CAPRIN2: variants seen among roughly 807,000 people sequenced by gnomAD.
CAPRIN2 encodes the protein caprin family member 2, also known as caprin-2.
In CAPRIN2, 66 loss-of-function variants were observed where a neutral mutation model predicts 130.4. The ratio of observed to expected loss-of-function variants is 0.51; its 90% CI spans 0.42 to 0.62. The LOEUF is 0.62. Among genes scored for constraint, CAPRIN2 ranks in the 20% least tolerant of loss-of-function variants. The pLI, the probability that CAPRIN2 is intolerant of heterozygous loss-of-function variation, is 0.00. For missense variants in CAPRIN2, 1,185 were observed against 1,246.6 expected, an observed-to-expected ratio of 0.95 and a Z score of 0.74; for synonymous variants, 471 against 444.1, an observed-to-expected ratio of 1.06 and a Z score of -0.76.
chr12:30,725,734 A>C, intron 9 of CAPRIN2, among the ~76,000 whole-genome samples: 1 of 152,020 alleles, frequency 6.6e-6, no homozygotes, highest in East Asian at 2.0e-4. Flanking sequence ...CACATGCTTA[A>C]TTCATTTTTT....
In CAPRIN2 at chr12:30,710,267, T is replaced by G; in HGVS notation, c.2869A>C (p.Asn957His). The G allele has an allele frequency of 6.2e-7, 1 of 1,614,146 alleles. No individual in the cohort carries two copies. The highest frequency in any genetic ancestry group is 8.5e-7 in the Non-Finnish European group (1 of 1,180,032). ...TGGTCTAAAGTTCCAGGGGCCAGAT[T>G]AGAGGTTCTGGCTGCTGAGAAGGCA... The change falls in exon 17 of 17, where the codon AAT (asparagine) becomes CAT (histidine). Residue 957 changes from asparagine (N) to histidine (H), a missense_variant. Coordinates refer to ENST00000298892, the Ensembl canonical transcript of CAPRIN2. This position sits in a 1 kb window ranked among gnomAD's most constrained non-coding sequence, Gnocchi z 4.8.
chr12:30,738,623 C>A (rs2065938182), intron 3 of CAPRIN2, among the ~76,000 whole-genome samples: 1 of 152,046 alleles, frequency 6.6e-6, no homozygotes, highest in South Asian at 2.1e-4. Flanking sequence ...AACAGACAAC[C>A]TACAGAATGG....
chr12:30,713,974 A>T, intron 14 of CAPRIN2, 89 bp from the exon 17 acceptor site: 1 of 687,604 alleles, frequency 1.5e-6, no homozygotes. Flanking sequence ...TAAAAGTTAA[A>T]TTGATTATAT....
chr12:30,748,977 T>C (rs542951763), intron 2 of CAPRIN2, among the ~76,000 whole-genome samples: 1 of 152,216 alleles, frequency 6.6e-6, no homozygotes, highest in East Asian at 1.9e-4. Context: ...CTAACTTCTA[T>C]TAAGAAAAAT....
intron 13 of CAPRIN2, chr12:30,715,815 A>C (rs935694072): frequency 3.9e-5 from 7 of 177,786 alleles, no homozygotes; most frequent in African/African-American, 1.4e-4. Context: ...GTCTTTCAAC[A>C]GTAGAGGGGA....
chr12:30,741,145 T>C, intron 2 of CAPRIN2, 39 bp from the exon 4 acceptor site: 3 of 1,215,442 alleles, frequency 2.5e-6, no homozygotes, highest in Non-Finnish European at 3.6e-6. Context: ...TTTGTGACTG[T>C]TTAAGTATAA....
intron 13 of CAPRIN2, 152 bp from the exon 16 acceptor site, chr12:30,715,293 G>C (rs1268583596): frequency 1.5e-6 from 1 of 661,852 alleles, no homozygotes; most frequent in Non-Finnish European, 2.6e-6. Flanking sequence ...TCATCTACAT[G>C]ACTCAAATAC....
At position 30,710,281 on chromosome 12, in the gene CAPRIN2, G is replaced by T; in HGVS notation, c.2855C>A (p.Ala952Glu). ...AGGGGCCAGATTAGAGGTTCTGGCT[G>T]CTGAGAAGGCAACTCGCATCTGCTG... Residue 952 changes from alanine (A) to glutamate (E), a missense_variant, in exon 17 of 17, where the codon GCA becomes GAA. Around this residue, in one of 2 missense-constraint regions of CAPRIN2, gnomAD observed 1,104 missense variants for 1,104.3 expected, o/e 1.00. Transcript: ENST00000298892. This position sits in a 1 kb window ranked among gnomAD's most constrained non-coding sequence, Gnocchi z 4.8. 1 of 1,614,204 alleles carries T rather than the reference G, an allele frequency of 6.2e-7. No individual in the cohort carries two copies. Among genetic ancestry groups the T allele is most frequent in the Non-Finnish European group, 8.5e-7 (1 of 1,180,040 alleles).
At chr12:30,713,309 T>C (rs558376613) in intron 15 of CAPRIN2, among the ~76,000 whole-genome samples, 130 of 150,724 alleles carry the variant, frequency 8.6e-4, no homozygotes, top group Non-Finnish European at 1.7e-3. Flanking sequence ...GCTGGGTTCT[T>C]CAAGTAAGTA....
At chr12:30,739,060 T>G (rs1021192876) in intron 3 of CAPRIN2, among the ~76,000 whole-genome samples, 7 of 152,006 alleles carry the variant, frequency 4.6e-5, no homozygotes, top group East Asian at 1.9e-4. Context: ...TGGTTATATA[T>G]CCAAAGGAAT....
At chr12:30,734,968 C>G (rs747694114) in exon 4 of CAPRIN2, 1 of 1,605,886 alleles carries the variant, frequency 6.2e-7, no homozygotes, top group Non-Finnish European at 8.5e-7. Context: ...ATTAGCTTAC[C>G]TCAGACTTTC....
intron 2 of CAPRIN2, among the ~76,000 whole-genome samples, chr12:30,750,371 G>C (rs972533179): frequency 6.6e-6 from 1 of 152,172 alleles, no homozygotes; most frequent in South Asian, 2.1e-4. Flanking sequence ...TCTTAGCCAG[G>C]AGACATGATC....
intron 16 of CAPRIN2, among the ~76,000 whole-genome samples, chr12:30,711,079 G>A (rs1163843632): frequency 1.3e-5 from 2 of 152,076 alleles, no homozygotes; most frequent in African/African-American, 4.8e-5. Context: ...CTGTGCCAAA[G>A]TTACTCTTCA....
exon 1 of CAPRIN2, chr12:30,753,825 T>C: frequency 6.8e-7 from 1 of 1,473,512 alleles, no homozygotes; most frequent in Non-Finnish European, 9.1e-7. Context: ...AGGCAAAATC[T>C]CCCAATACGG....
intron 3 of CAPRIN2, among the ~76,000 whole-genome samples, chr12:30,736,443 T>C (rs2064854365): frequency 6.7e-6 from 1 of 150,092 alleles, no homozygotes; most frequent in African/African-American, 2.4e-5. Flanking sequence ...TGGGTCAAAG[T>C]ACTTTGATAT....
rs1418596374 is a variant in CAPRIN2, at chr12:30,715,274, GTATATA to G, written c.2318-139_2318-134del. 390 of 687,792 alleles carry G rather than the reference GTATATA, an allele frequency of 5.7e-4. No homozygotes were observed. The Middle Eastern group carries it at 9.9e-3, about 17-fold the overall frequency. The allele number at this position is 687,792 out of a possible 1,614,324, so 42.6% of individuals were successfully genotyped here. A position where few individuals can be genotyped will look rare whatever the true frequency, so the allele number is the denominator to read the frequency against. On this transcript the variant is annotated intron_variant, in intron 13 of 16. Transcript: ENST00000298892. ...ATAAATAGGAGATACATATATTCAT[GTATATA>G]ATTCATCTACATGACTCAAATACGT...
At position 30,723,334 on chromosome 12, in the gene CAPRIN2, C is replaced by T. The variant is rs1306419901; in HGVS notation, c.1988-20G>A. ...TAGATGCTGCAAGGAGTAAAATAAA[C>T]AGTAACTACTGAGGGAAGACAAAAG... On this transcript the variant is annotated intron_variant, in intron 10 of 16. Transcript: ENST00000298892. The T allele has an allele frequency of 2.5e-6, 4 of 1,578,968 alleles. No individual in the cohort carries two copies. The highest frequency in any genetic ancestry group is 1.7e-5 in the Admixed American group (1 of 59,782).
intron 2 of CAPRIN2, among the ~76,000 whole-genome samples, chr12:30,750,761 C>G (rs1278555885): frequency 6.6e-6 from 1 of 152,170 alleles, no homozygotes; most frequent in Non-Finnish European, 1.5e-5. Context: ...TATGCCTTCT[C>G]TTCTCCTTCA....
At chr12:30,746,354 A>G (rs1008803440) in intron 2 of CAPRIN2, among the ~76,000 whole-genome samples, 2 of 152,208 alleles carry the variant, frequency 1.3e-5, no homozygotes, top group Admixed American at 1.3e-4. Context: ...ATATTGTGCT[A>G]TTGCACTCCA....
Sources: allele counts gnomAD v4.1 joint callset (sites outside exome capture counted in the v4.1 genomes callset), GRCh38; gene constraint gnomAD v4.1.1; regional missense constraint gnomAD v4.1.1; non-coding constraint Gnocchi (gnomAD v3.1); transcripts MANE v1.5; gene names NCBI Gene and HGNC (gene_info 2026-07-23, HGNC 2026-07-21).